The following MGAT4A variants were observed in gnomAD, a reference collection of about 807,000 sequenced individuals.
MGAT4A encodes the protein N-acetylglucosaminyltransferase IVa.
MGAT4A carries 33 observed loss-of-function variants against 74.1 expected under a neutral mutation model. The ratio of observed to expected loss-of-function variants is 0.45; its 90% CI spans 0.34 to 0.60. The LOEUF is 0.60. Among genes scored for constraint, MGAT4A ranks in the 20% least tolerant of loss-of-function variants. The pLI, the probability that MGAT4A is intolerant of heterozygous loss-of-function variation, is 0.02. For synonymous variants in MGAT4A, 198 were observed against 210.4 expected, an observed-to-expected ratio of 0.94 and a Z score of 0.51; for missense variants, 479 against 628.3, an observed-to-expected ratio of 0.76 and a Z score of 2.54.
intron 2 of MGAT4A, among the ~76,000 whole-genome samples, chr2:98,717,898 C>T (rs999546199): frequency 1.3e-5 from 2 of 152,210 alleles, no homozygotes; most frequent in South Asian, 2.1e-4. Flanking sequence ...AGAATGATGA[C>T]GGCGTATTCC....
At chr2:98,708,957 A>T (rs1311675366) in intron 2 of MGAT4A, among the ~76,000 whole-genome samples, 5 of 152,256 alleles carry the variant, frequency 3.3e-5, no homozygotes, top group African/African-American at 7.2e-5. Context: ...CATCCAGAGA[A>T]CACGGCTCTA....
intron 2 of MGAT4A, among the ~76,000 whole-genome samples, chr2:98,711,408 C>T (rs1472106618): frequency 1.3e-5 from 2 of 151,960 alleles, no homozygotes; most frequent in Non-Finnish European, 2.9e-5. Flanking sequence ...AAGACACTCA[C>T]TTTTTTATTT....
At chr2:98,652,327 A>ATTTT (rs70940120) in intron 8 of MGAT4A, among the ~76,000 whole-genome samples, 2 of 123,394 alleles carry the variant, frequency 1.6e-5, no homozygotes, top group Non-Finnish European at 3.3e-5. Context: ...TATCTCAACA[A>ATTTT]TTTTTTTTTT....
chr2:98,722,399 T>G (rs993520148), intron 2 of MGAT4A, among the ~76,000 whole-genome samples: 1 of 152,190 alleles, frequency 6.6e-6, no homozygotes, highest in African/African-American at 2.4e-5. Flanking sequence ...GGGTGAACAT[T>G]GCATAGATTA....
intron 2 of MGAT4A, among the ~76,000 whole-genome samples, chr2:98,686,091 A>G (rs1273842342): frequency 6.6e-6 from 1 of 152,174 alleles, no homozygotes; most frequent in Non-Finnish European, 1.5e-5. Flanking sequence ...GTATCCAGTG[A>G]ACACCAGTTT....
chr2:98,667,049 TTA>T (rs1701841593), intron 4 of MGAT4A, among the ~76,000 whole-genome samples: 3 of 152,154 alleles, frequency 2.0e-5, no homozygotes, highest in Admixed American at 6.6e-5. Context: ...TGAATAAGTC[TTA>T]CAAGATCTGA....
intron 2 of MGAT4A, among the ~76,000 whole-genome samples, chr2:98,721,478 T>A (rs1168938665): frequency 6.6e-6 from 1 of 152,176 alleles, no homozygotes; most frequent in Non-Finnish European, 1.5e-5. Context: ...TGTGGAAATA[T>A]ATCAGTAATA....
intron 2 of MGAT4A, among the ~76,000 whole-genome samples, chr2:98,705,858 C>T (rs1344098368): frequency 6.8e-6 from 1 of 147,972 alleles, no homozygotes; most frequent in East Asian, 2.1e-4. Flanking sequence ...AGGAGAATGG[C>T]GTGAACCCGG....
At chr2:98,671,474 G>C (rs1329603511) in intron 4 of MGAT4A, among the ~76,000 whole-genome samples, 1 of 152,114 alleles carries the variant, frequency 6.6e-6, no homozygotes, top group Non-Finnish European at 1.5e-5. Context: ...ACATGGTCTG[G>C]CCTCAACTTA....
At chr2:98,702,735 T>C (rs1165172817) in intron 2 of MGAT4A, among the ~76,000 whole-genome samples, 2 of 152,202 alleles carry the variant, frequency 1.3e-5, no homozygotes, top group East Asian at 1.9e-4. Context: ...CTGAACACTA[T>C]GCTATGCAGA....
rs1279352398 is a variant in MGAT4A, at chr2:98,621,767, T to C, written c.*3799A>G. The C allele has an allele frequency of 1.7e-6, 2 of 1,166,150 alleles. No individual in the cohort carries two copies. The highest frequency in any genetic ancestry group is 2.1e-6 in the Non-Finnish European group (2 of 946,478). The allele number at this position is 1,166,150 out of a possible 1,614,324, so 72.2% of individuals were successfully genotyped here. The stretch of plus-strand genomic sequence containing the variant: ...TCTTTTCTTTGAGGGACAGCACTGT[T>C]GGGAGACAACCTCTTTTTCATTATT... On this transcript the variant is annotated 3_prime_UTR_variant, in exon 16 of 16. Coordinates refer to ENST00000393487, the MANE Select transcript of MGAT4A (RefSeq NM_012214.3).
At chr2:98,719,296 T>A (rs1702633370) in intron 2 of MGAT4A, among the ~76,000 whole-genome samples, 1 of 152,252 alleles carries the variant, frequency 6.6e-6, no homozygotes, top group African/African-American at 2.4e-5. Flanking sequence ...GTAGCAGAAT[T>A]TATGCCCCAG....
intron 2 of MGAT4A, 106 bp from the exon 3 acceptor site, chr2:98,678,577 A>C (rs1405154259): frequency 1.5e-6 from 1 of 671,646 alleles, no homozygotes; most frequent in African/African-American, 1.8e-5. Flanking sequence ...GTTTTTCAGA[A>C]GAAAATATTC....
intron 2 of MGAT4A, among the ~76,000 whole-genome samples, chr2:98,705,948 CAAAAAAAAAA>C (rs35710005): frequency 4.2e-5 from 2 of 47,510 alleles, no homozygotes; most frequent in African/African-American, 8.7e-5. Flanking sequence ...GACTCCGTCT[CAAAAAAAAAA>C]AAAAAAAAAA....
chr2:98,684,442 T>A (rs531343178), intron 2 of MGAT4A, among the ~76,000 whole-genome samples: 3 of 152,330 alleles, frequency 2.0e-5, no homozygotes, highest in Admixed American at 6.5e-5. Flanking sequence ...GCCTAGACAA[T>A]GAAAGTACAA....
chr2:98,678,637 G>A (rs1290406146), intron 2 of MGAT4A, among the ~76,000 whole-genome samples, 166 bp from the exon 3 acceptor site: 1 of 151,904 alleles, frequency 6.6e-6, no homozygotes, highest in East Asian at 1.9e-4. Flanking sequence ...ATATAACAAA[G>A]TTTATATGCT....
chr2:98,704,950 G>A (rs902116163), intron 2 of MGAT4A, among the ~76,000 whole-genome samples: 2 of 152,058 alleles, frequency 1.3e-5, no homozygotes, highest in East Asian at 3.9e-4. Context: ...CACCAGAGGC[G>A]CAACTGACAT....
intron 14 of MGAT4A, among the ~76,000 whole-genome samples, chr2:98,633,053 C>T (rs896860376): frequency 3.3e-5 from 5 of 152,206 alleles, no homozygotes; most frequent in African/African-American, 9.6e-5. Flanking sequence ...CCACTGCGCC[C>T]AGCCAAGCCT....
intron 8 of MGAT4A, among the ~76,000 whole-genome samples, chr2:98,648,635 T>C (rs1387758211): frequency 1.2e-4 from 18 of 150,898 alleles, no homozygotes; most frequent in Admixed American, 9.9e-4. Context: ...GGGAGGATCA[T>C]ATGACCCAGG....
Sources: allele counts gnomAD v4.1 joint callset (sites outside exome capture counted in the v4.1 genomes callset), GRCh38; gene constraint gnomAD v4.1.1; transcripts MANE v1.5; gene names NCBI Gene and HGNC (gene_info 2026-07-23, HGNC 2026-07-21).